Variants in RPF2 observed in about 807,000 individuals in gnomAD.
The protein encoded by RPF2 is ribosome production factor 2 homolog.
Under a neutral mutation model 38.9 loss-of-function variants are expected in RPF2, and 21 were observed. The ratio of observed to expected loss-of-function variants is 0.54; its 90% CI spans 0.38 to 0.78. The LOEUF (loss-of-function observed/expected upper bound fraction) is 0.78. RPF2 is among the 30% of genes least tolerant of loss of function. RPF2 has a pLI of 0.00. For synonymous variants in RPF2, 121 were observed against 126.2 expected (o/e 0.96, Z 0.28); for missense variants, 314 against 358.1 (o/e 0.88, Z 0.99).
Position 111,015,751 on chromosome 6 carries a change from T to C in RPF2, c.494-3T>C. The C allele has an allele frequency of 6.3e-7, 1 of 1,587,444 alleles. No individual in the cohort carries two copies. Among genetic ancestry groups the C allele is most frequent in the South Asian group, 1.1e-5 (1 of 90,418 alleles). The stretch of plus-strand genomic sequence containing the variant: ...TTGTTAATAATTTAATATGTGCTTT[T>C]AGATTTCTTCAGAGGCCCCACAGTA... On this transcript the variant is annotated splice_polypyrimidine_tract_variant and splice_region_variant and intron_variant, in intron 7 of 9. Transcript: ENST00000441448.
intron 4 of RPF2, among the ~76,000 whole-genome samples, chr6:110,992,665 T>C (rs985107172): frequency 6.6e-6 from 1 of 152,122 alleles, no homozygotes; most frequent in East Asian, 1.9e-4. Context: ...CTTATTTGAG[T>C]GTATAGTCAA....
chr6:110,995,203 C>T (rs940637087), intron 4 of RPF2, among the ~76,000 whole-genome samples: 6 of 152,160 alleles, frequency 3.9e-5, no homozygotes, highest in Admixed American at 2.0e-4. Flanking sequence ...CCACACCTGG[C>T]CATAGAAAAT....
At chr6:110,990,677 T>C (rs1489923158) in intron 3 of RPF2, among the ~76,000 whole-genome samples, 5 of 149,568 alleles carry the variant, frequency 3.3e-5, no homozygotes, top group Non-Finnish European at 7.4e-5. Flanking sequence ...CTCTGGCTCC[T>C]GGGTTCAAGC....
At chr6:111,022,630 G>T (rs1408951246) in intron 8 of RPF2, among the ~76,000 whole-genome samples, 2 of 152,058 alleles carry the variant, frequency 1.3e-5, no homozygotes, top group African/African-American at 4.8e-5. Context: ...GAATAAAAAG[G>T]CACAATATTA....
chr6:110,995,280 A>G (rs1182388573), intron 4 of RPF2, among the ~76,000 whole-genome samples: 1 of 152,146 alleles, frequency 6.6e-6, no homozygotes, highest in Non-Finnish European at 1.5e-5. Context: ...CACATATGAC[A>G]TCGCATGTGG....
chr6:111,011,715 T>A (rs184583080), intron 7 of RPF2, among the ~76,000 whole-genome samples: 2 of 152,352 alleles, frequency 1.3e-5, no homozygotes, highest in Admixed American at 6.5e-5. Flanking sequence ...TTGTTTATTG[T>A]CAGTGAGGCA....
At chr6:111,017,347 C>T (rs184867797) in intron 8 of RPF2, among the ~76,000 whole-genome samples, 23,447 of 148,012 alleles carry the variant, frequency 0.16, 2,384 homozygotes, top group East Asian at 0.52. Flanking sequence ...GCTGGCCGGG[C>T]GGGGGCTGCC....
At chr6:110,994,207 G>A (rs914807715) in intron 4 of RPF2, among the ~76,000 whole-genome samples, 22 of 151,522 alleles carry the variant, frequency 1.5e-4, no homozygotes, top group Admixed American at 6.6e-5. Context: ...CCCGGGAGGT[G>A]GAGGTTGCGG....
rs191023964 is a variant in RPF2 at position 111,013,201 on chromosome 6, C to T, written c.494-2553C>T. Among the ~76,000 whole-genome samples, 4 of 152,298 alleles carry T rather than the reference C, an allele frequency of 2.6e-5. No homozygotes were observed. The East Asian group carries it at 7.7e-4, about 29-fold the overall frequency. ...TATGTATTCATATCTACCTAGAATG[C>T]AGGGCCCCTGATAGAAAAATGCTAT... On this transcript the variant is annotated intron_variant, in intron 7 of 9. Transcript: ENST00000441448.
rs754115775 is a variant in RPF2 at position 110,982,104 on chromosome 6, G to T, written c.-3G>T. On this transcript the variant is annotated 5_prime_UTR_variant, in exon 1 of 10. Coordinates refer to ENST00000441448, the MANE Select transcript of RPF2 (RefSeq NM_032194.3). ...TGGTTAAGAGTTGCAGGTAGCGGTA[G>T]CGATGGACACTCTGGATCGAGTAGT... 7 of 1,614,136 alleles carry T rather than the reference G, an allele frequency of 4.3e-6. No individual in the cohort carries two copies. Among genetic ancestry groups the T allele is most frequent in the Admixed American group, 1.7e-5 (1 of 60,012 alleles).
intron 7 of RPF2, among the ~76,000 whole-genome samples, chr6:111,013,479 ATGT>A (rs1258043218): frequency 1.3e-5 from 2 of 152,214 alleles, no homozygotes; most frequent in Non-Finnish European, 1.5e-5. Context: ...TTAAGAGAAA[ATGT>A]TGTAATAAAA....
At chr6:111,014,091 C>A (rs1209091404) in intron 7 of RPF2, among the ~76,000 whole-genome samples, 1 of 150,514 alleles carries the variant, frequency 6.6e-6, no homozygotes, top group Non-Finnish European at 1.5e-5. Flanking sequence ...ATGTGCCTGC[C>A]CACTTGTGTT....
chr6:111,010,739 G>A (rs928918319), intron 7 of RPF2, among the ~76,000 whole-genome samples: 15 of 151,990 alleles, frequency 9.9e-5, no homozygotes, highest in African/African-American at 2.9e-4. Context: ...ATAAAATTAC[G>A]TTGTATGCAC....
At chr6:111,025,143 C>T (rs79498263) in intron 9 of RPF2, among the ~76,000 whole-genome samples, 4,916 of 152,236 alleles carry the variant, frequency 0.032, 114 homozygotes, top group Middle Eastern at 0.058. Flanking sequence ...AAAGTGTGGC[C>T]TGACAGTTTA....
chr6:111,007,437 T>C (rs969244487), intron 6 of RPF2, among the ~76,000 whole-genome samples: 3 of 152,074 alleles, frequency 2.0e-5, no homozygotes, highest in Non-Finnish European at 2.9e-5. Flanking sequence ...AAATGTCATC[T>C]TAGCCAGGCC....
intron 8 of RPF2, among the ~76,000 whole-genome samples, chr6:111,016,498 G>A (rs542398270): frequency 3.5e-4 from 53 of 152,060 alleles, no homozygotes; most frequent in Middle Eastern, 3.4e-3. Context: ...TCAGAAGGCT[G>A]AGGCACAAAA....
At chr6:110,996,015 A>C (rs963566545) in intron 4 of RPF2, among the ~76,000 whole-genome samples, 2 of 151,794 alleles carry the variant, frequency 1.3e-5, no homozygotes, top group African/African-American at 4.8e-5. Context: ...ACAGGGTTTC[A>C]CTATGTTGCT....
At chr6:111,020,267 G>A (rs1378245848) in intron 8 of RPF2, among the ~76,000 whole-genome samples, 1 of 152,080 alleles carries the variant, frequency 6.6e-6, no homozygotes, top group Non-Finnish European at 1.5e-5. Context: ...CCAGGCTGGA[G>A]TACAGTGGCA....
intron 6 of RPF2, among the ~76,000 whole-genome samples, chr6:111,005,665 T>G (rs1408320057): frequency 6.6e-6 from 1 of 152,206 alleles, no homozygotes; most frequent in Non-Finnish European, 1.5e-5. Context: ...GGTCTTACTC[T>G]GTATCCCAGG....
Sources: gnomAD v4.1 joint callset for allele counts (sites outside exome capture counted in the v4.1 genomes callset) on GRCh38, gnomAD v4.1.1 for gene constraint, MANE v1.5 for transcripts, NCBI Gene and HGNC (gene_info 2026-07-23, HGNC 2026-07-21) for gene names.